CCDC171: variants seen among roughly 807,000 people sequenced by gnomAD.
CCDC171 encodes coiled-coil domain containing 171.
A neutral mutation model predicts 168.2 loss-of-function variants in CCDC171; 177 were observed. That is an observed-to-expected ratio of 1.05 (90% confidence interval 0.93 to 1.19). The LOEUF (loss-of-function observed/expected upper bound fraction) is 1.19. Ranked by LOEUF, CCDC171 falls within the 50% of genes most tolerant of loss-of-function variation. The pLI, the probability that CCDC171 is intolerant of heterozygous loss-of-function variation, is 0.00. For missense variants in CCDC171, 1,991 were observed against 1,539.0 expected (o/e 1.29, Z -4.91); for synonymous variants, 687 against 540.8 (o/e 1.27, Z -3.75).
intron 9 of CCDC171, among the ~76,000 whole-genome samples, chr9:15,672,649 T>C (rs2049207008): frequency 6.6e-6 from 1 of 152,334 alleles, no homozygotes; most frequent in South Asian, 2.1e-4. Context: ...TTGTTGAAGA[T>C]CAGATGGTTG....
At chr9:15,903,907 A>G (rs1822102773) in intron 24 of CCDC171, among the ~76,000 whole-genome samples, 1 of 152,244 alleles carries the variant, frequency 6.6e-6, no homozygotes, top group Non-Finnish European at 1.5e-5. Flanking sequence ...GATTTGATCA[A>G]CTGGAAGAAA....
At chr9:15,644,278 G>A (rs552828218) in intron 7 of CCDC171, among the ~76,000 whole-genome samples, 11 of 152,246 alleles carry the variant, frequency 7.2e-5, no homozygotes, top group South Asian at 4.1e-4. Flanking sequence ...CAAGATGGCC[G>A]AATAGGAACA....
intron 6 of CCDC171, among the ~76,000 whole-genome samples, chr9:15,611,189 A>G (rs1482652367): frequency 1.3e-5 from 2 of 152,058 alleles, no homozygotes; most frequent in Non-Finnish European, 2.9e-5. Context: ...ATGATTGTAA[A>G]TTTCCTGAGG....
intron 6 of CCDC171, among the ~76,000 whole-genome samples, chr9:15,617,007 T>A (rs2044130402): frequency 6.6e-6 from 1 of 152,166 alleles, no homozygotes; most frequent in South Asian, 2.1e-4. Context: ...ACAATAATGG[T>A]GGAAGGCAAA....
At chr9:15,599,813 A>C (rs781202522) in intron 6 of CCDC171, among the ~76,000 whole-genome samples, 6 of 152,148 alleles carry the variant, frequency 3.9e-5, no homozygotes, top group Admixed American at 1.3e-4. Context: ...GTCTTTTCAC[A>C]TAGCCCCATA....
At chr9:16,095,017 G>A in the CCDC171 span, among the ~76,000 whole-genome samples, 1 of 152,190 alleles carries the variant, frequency 6.6e-6, no homozygotes, top group Admixed American at 6.5e-5. Flanking sequence ...GGCCATGTGA[G>A]ACGTGTATGC....
At chr9:15,855,170 A>T (rs998283555) in intron 23 of CCDC171, among the ~76,000 whole-genome samples, 3 of 151,686 alleles carry the variant, frequency 2.0e-5, no homozygotes, top group African/African-American at 7.3e-5. Flanking sequence ...TGAAAGTATG[A>T]TGTCAAAGTC....
intron 24 of CCDC171, chr9:15,886,753 T>TAC (rs1208112374): frequency 9.9e-5 from 6 of 60,386 alleles, no homozygotes; most frequent in Non-Finnish European, 2.0e-4. Context: ...AGGAAATGTT[T>TAC]ATACACACAC....
At chr9:15,788,838 C>T (rs775594079) in intron 21 of CCDC171, among the ~76,000 whole-genome samples, 7 of 152,034 alleles carry the variant, frequency 4.6e-5, no homozygotes, top group Admixed American at 3.3e-4. Flanking sequence ...CAGGTGTGAG[C>T]CACTGTGTCC....
At chr9:15,936,966 A>T (rs1827190395) in intron 25 of CCDC171, among the ~76,000 whole-genome samples, 3 of 152,062 alleles carry the variant, frequency 2.0e-5, no homozygotes, top group Non-Finnish European at 4.4e-5. Context: ...GCACAATTTC[A>T]ACTGCAGCAC....
intron 24 of CCDC171, among the ~76,000 whole-genome samples, chr9:15,915,087 A>T (rs945001314): frequency 2.9e-5 from 3 of 102,086 alleles, no homozygotes; most frequent in South Asian, 4.0e-4. Flanking sequence ...AGCTGTTCCT[A>T]TTCAGACATC....
upstream of CCDC171, among the ~76,000 whole-genome samples, chr9:16,038,866 CAAAAAAAA>C (rs375463651): frequency 4.0e-5 from 2 of 50,430 alleles, no homozygotes; most frequent in African/African-American, 1.5e-4. Flanking sequence ...CCTATCAGGC[CAAAAAAAA>C]AAAAAAAAAA....
intron 7 of CCDC171, 67 bp downstream of exon 7, chr9:15,623,480 C>A (rs2044731648): frequency 1.7e-6 from 1 of 574,132 alleles, no homozygotes; most frequent in Non-Finnish European, 2.9e-6. Context: ...CGCGCGCACA[C>A]ACACACACAC....
At chr9:15,816,450 T>A in intron 21 of CCDC171, among the ~76,000 whole-genome samples, 1 of 119,010 alleles carries the variant, frequency 8.4e-6, no homozygotes, top group South Asian at 2.7e-4. Context: ...ATGCATAGTT[T>A]CATATCTTGT....
At chr9:15,842,827 G>A (rs1348813731) in intron 21 of CCDC171, among the ~76,000 whole-genome samples, 2 of 151,728 alleles carry the variant, frequency 1.3e-5, no homozygotes, top group African/African-American at 4.8e-5. Context: ...AACGTTTGAA[G>A]CTTTAGAAAT....
chr9:15,710,622 G>C (rs532728052), intron 11 of CCDC171, among the ~76,000 whole-genome samples: 1 of 147,370 alleles, frequency 6.8e-6, no homozygotes, highest in Non-Finnish European at 1.5e-5. Context: ...TTTTGAGATG[G>C]AGTCTCACTC....
At chr9:15,601,839 G>A (rs1412943162) in intron 6 of CCDC171, among the ~76,000 whole-genome samples, 1 of 152,130 alleles carries the variant, frequency 6.6e-6, no homozygotes, top group South Asian at 2.1e-4. Flanking sequence ...TAAACACTCA[G>A]CCAGAGGTCT....
intron 4 of CCDC171, among the ~76,000 whole-genome samples, chr9:15,581,790 T>G (rs1047488713): frequency 3.3e-5 from 5 of 152,078 alleles, no homozygotes; most frequent in Non-Finnish European, 5.9e-5. Context: ...TCAAGATGGA[T>G]TAAAGACTTA....
At chr9:16,067,224 A>G in the CCDC171 span, among the ~76,000 whole-genome samples, 1 of 151,902 alleles carries the variant, frequency 6.6e-6, no homozygotes, top group East Asian at 1.9e-4. Context: ...GATGATGAGC[A>G]TTTTTTCATG....
Sources: gnomAD v4.1 joint callset for allele counts (sites outside exome capture counted in the v4.1 genomes callset) on GRCh38, gnomAD v4.1.1 for gene constraint, MANE v1.5 for transcripts, NCBI Gene and HGNC (gene_info 2026-07-23, HGNC 2026-07-21) for gene names.